A2M: variants seen among roughly 807,000 people sequenced by gnomAD.
The protein encoded by A2M is C3 and PZP-like alpha-2-macroglobulin domain-containing protein 5.
A neutral mutation model predicts 183.9 loss-of-function variants in A2M; 128 were observed. That is an observed-to-expected ratio of 0.70 (90% CI 0.60 to 0.81). A2M has a LOEUF of 0.81. A2M is among the 30% of genes least tolerant of loss of function. A2M has a pLI of 0.00. For synonymous variants in A2M, 592 were observed against 670.8 expected (o/e 0.88, Z 1.81); for missense variants, 1,495 against 1,787.6 (o/e 0.84, Z 2.95).
chr12:9,103,487 G>A (rs1938048593), intron 11 of A2M, among the ~76,000 whole-genome samples: 1 of 152,074 alleles, frequency 6.6e-6, no homozygotes, highest in African/African-American at 2.4e-5. Context: ...GTAGTATTAA[G>A]TATATCTGTT....
At chr12:9,075,392 C>A (rs1243243592) in intron 28 of A2M, among the ~76,000 whole-genome samples, 1 of 151,908 alleles carries the variant, frequency 6.6e-6, no homozygotes, top group East Asian at 1.9e-4. Flanking sequence ...CACAGATGCA[C>A]AAGAAAACAG....
At chr12:9,104,555 C>T (rs1043059519) in intron 10 of A2M, among the ~76,000 whole-genome samples, 155 bp from the exon 11 acceptor site, 5 of 152,002 alleles carry the variant, frequency 3.3e-5, no homozygotes, top group Non-Finnish European at 5.9e-5. Context: ...TCTTCCATCA[C>T]AGAGCTTACT....
intron 22 of A2M, among the ~76,000 whole-genome samples, chr12:9,085,601 G>C (rs1949030009): frequency 6.6e-6 from 1 of 151,762 alleles, no homozygotes; most frequent in South Asian, 2.1e-4. Context: ...AGAGAAGTAG[G>C]AAAAGAAGAA....
Position 9,089,939 on chromosome 12 carries a change from C to T in A2M, c.2681G>A (p.Gly894Glu), listed in dbSNP as rs1949158378. 4 of 1,612,508 alleles carry T rather than the reference C, an allele frequency of 2.5e-6. 1 individual carries two copies. In the South Asian group the frequency reaches 4.4e-5, roughly 18 times the overall value. Residue 894 changes from glycine (G) to glutamate (E), a missense_variant, in exon 21 of 36, where the codon GGA (glycine) becomes GAA (glutamate). Transcript: ENST00000318602. ...GTEVPSVPEH[G>E]RKDTVIKPLL... The stretch of plus-strand genomic sequence containing the variant: ...AGGCTTGATGACTGTGTCTTTCCTT[C>T]CGTGTTCAGGAACTGAAGGCACCTC...
chr12:9,107,463 C>A (rs1294134868), intron 8 of A2M, 61 bp downstream of exon 8: 1 of 1,585,822 alleles, frequency 6.3e-7, no homozygotes, highest in East Asian at 2.3e-5. Context: ...AATGCTGCAA[C>A]TCACTGCTTT....
In A2M at chr12:9,107,524, C is replaced by G. The variant is rs1938389012; in HGVS notation, c.879G>C (p.Gln293His). Reference sequence around the variant, plus strand: ...CTAGAAAAAATAGTGTTCAACCTACCTGTCCACTGAATTTCTCACAGAAAG... The same window carrying G: ...CTAGAAAAAATAGTGTTCAACCTACGTGTCCACTGAATTTCTCACAGAAAG... ...SQAFCEKFSG[Q>H]LNSHGCFYQQ... Residue 293 changes from glutamine (Q) to histidine (H), a missense_variant and splice_region_variant, in exon 8 of 36, where the codon CAG (glutamine) becomes CAC (histidine). Physicochemically the swap from Gln to His is conservative, Grantham distance 24. Transcript: ENST00000318602. The G allele has an allele frequency of 1.9e-6, 3 of 1,613,708 alleles. No individual in the cohort carries two copies. The highest frequency in any genetic ancestry group is 2.7e-5 in the African/African-American group (2 of 74,902).
chr12:9,068,747 G>T lies in A2M; in HGVS notation c.4359C>A (p.Tyr1453Ter). 1 of 1,599,922 alleles carries T rather than the reference G, an allele frequency of 6.3e-7. No homozygotes were observed. The highest frequency in any genetic ancestry group is 8.5e-7 in the Non-Finnish European group (1 of 1,171,816). Reference sequence around the variant, plus strand: ...AAAATCACTCTCACTCACCCGTCTCGTAGTAATCATAGACTTTCACTATGG... The same window carrying T: ...AAAATCACTCTCACTCACCCGTCTCTTAGTAATCATAGACTTTCACTATGG... ...KPAIVKVYDYYETDEFAIAEY... is the reference protein window; with the variant it reads ...KPAIVKVYDY The change falls in exon 34 of 36, where the codon TAC becomes TAA. Residue 1453 changes from tyrosine to a stop codon, truncating the protein, a stop_gained. Transcript: ENST00000318602. LOFTEE classifies it high-confidence loss of function.
intron 27 of A2M, 79 bp from the exon 28 acceptor site, chr12:9,077,015 G>A: frequency 1.4e-6 from 2 of 1,385,280 alleles, no homozygotes; most frequent in South Asian, 1.7e-5. Flanking sequence ...ACGGATCACA[G>A]CACAGAAGTT....
In A2M at chr12:9,080,067, C is replaced by T. The variant is rs769586156; in HGVS notation, c.2854+27G>A. The stretch of plus-strand genomic sequence containing the variant: ...TAGTATAATAGAAGCTGTTAATGCC[C>T]GGATCCACTAGGGGCTGGAGACTCA... On this transcript the variant is annotated intron_variant, in intron 23 of 35. Coordinates refer to ENST00000318602, the MANE Select transcript of A2M (RefSeq NM_000014.6). 8.8e-5 allele frequency: 130 copies of T among 1,471,370 alleles called. 1 individual carries two copies. Among genetic ancestry groups the T allele is most frequent in the Non-Finnish European group, 1.1e-4 (119 of 1,084,600 alleles). 91.1% of individuals were successfully genotyped at this position (1,471,370 alleles called of 1,614,324 possible). A position where few individuals can be genotyped will look rare whatever the true frequency, so the allele number is the denominator to read the frequency against.
chr12:9,109,887 G>A lies in A2M; in HGVS notation c.653C>T (p.Pro218Leu), dbSNP rs901545791. ...CATACCAAATTCCTCCACGGTGAAA[G>A]GGTGCTCTGTCCTTCCACCTGATTT... Reference protein sequence around the residue: ...QKKSGGRTEHPFTVEEFVLPK... With the variant: ...QKKSGGRTEHLFTVEEFVLPK... Residue 218 changes from proline (P) to leucine (L), a missense_variant, in exon 6 of 36, where the codon CCT (proline) becomes CTT (leucine). Coordinates refer to ENST00000318602, the MANE Select transcript of A2M (RefSeq NM_000014.6). The A allele has an allele frequency of 1.2e-5, 20 of 1,607,946 alleles. No homozygotes were observed. The African/African-American group carries it at 2.3e-4, about 18-fold the overall frequency.
chr12:9,099,437 C>A lies in A2M; in HGVS notation c.1645G>T (p.Gly549Trp). ...TTTGCAGAATCCCCAATCACGTCCC[C>A]GGTAGGTAAAACAGCATAGATGAGC... The part of the protein sequence containing the change: ...RLLIYAVLPT[G>W]DVIGDSAKYD... The change falls in exon 14 of 36, where the codon GGG becomes TGG. Residue 549 changes from glycine (G) to tryptophan (W), a missense_variant. Coordinates refer to ENST00000318602, the MANE Select transcript of A2M (RefSeq NM_000014.6). 1 of 1,597,050 alleles carries A rather than the reference C, an allele frequency of 6.3e-7. No homozygotes were observed. The highest frequency in any genetic ancestry group is 2.3e-5 in the East Asian group (1 of 44,334).
At position 9,110,042 on chromosome 12, in the gene A2M, G is replaced by A; in HGVS notation, c.505-7C>T. The A allele has an allele frequency of 3.1e-6, 5 of 1,599,708 alleles. No homozygotes were observed. The highest frequency in any genetic ancestry group is 1.4e-5 in the African/African-American group (1 of 74,026). On this transcript the variant is annotated splice_region_variant and splice_polypyrimidine_tract_variant and intron_variant, in intron 5 of 35. Coordinates refer to ENST00000318602, the MANE Select transcript of A2M (RefSeq NM_000014.6). Reference sequence around the variant, plus strand: ...TGCGATTTCCTTTGGGATCCTATATGAGTAAATTAATTATAACTTACAAAA... The same window carrying A: ...TGCGATTTCCTTTGGGATCCTATATAAGTAAATTAATTATAACTTACAAAA...
chr12:9,067,934 G>A, intron 35 of A2M, 95 bp from the exon 36 acceptor site: 1 of 1,233,376 alleles, frequency 8.1e-7, no homozygotes, highest in South Asian at 1.3e-5. Context: ...TAGTGCCCAA[G>A]GAAACCTAAT....
At chr12:9,109,031 A>ATT (rs1310050161) in intron 7 of A2M, among the ~76,000 whole-genome samples, 1 of 102,878 alleles carries the variant, frequency 9.7e-6, no homozygotes, top group Non-Finnish European at 2.0e-5. Context: ...CACCCTTCCC[A>ATT]TTTTGTGTGT....
chr12:9,077,903 T>C, intron 25 of A2M, 46 bp from the exon 26 acceptor site: 1 of 1,612,364 alleles, frequency 6.2e-7, no homozygotes, highest in South Asian at 1.1e-5. Context: ...GTCAAAATGG[T>C]TTTATAACCA....
chr12:9,086,662 T>C (rs1194254581), intron 22 of A2M, among the ~76,000 whole-genome samples: 3 of 152,232 alleles, frequency 2.0e-5, no homozygotes, highest in Admixed American at 6.5e-5. Flanking sequence ...AGGGCATGTA[T>C]GATAAACCTA....
In A2M at chr12:9,113,552, G is replaced by A. The variant is rs1187001461; in HGVS notation, c.87-9C>T. On this transcript the variant is annotated splice_polypyrimidine_tract_variant and intron_variant, in intron 1 of 35. Transcript: ENST00000318602. The stretch of plus-strand genomic sequence containing the variant: ...CCAGAACCATATACTGCCTGGGAAT[G>A]AGACGGTTCAGTTAGAGGAAAGTGA... 15 of 1,611,368 alleles carry A rather than the reference G, an allele frequency of 9.3e-6. No homozygotes were observed. The highest frequency in any genetic ancestry group is 1.3e-5 in the Non-Finnish European group (15 of 1,178,816).
chr12:9,090,329 A>G (rs770313951), intron 20 of A2M, 27 bp downstream of exon 20: 1 of 1,613,898 alleles, frequency 6.2e-7, no homozygotes, highest in East Asian at 2.2e-5. Context: ...TTGAGTAGAG[A>G]ATTATCTCTA....
In A2M at chr12:9,104,270, G is replaced by A. The variant is rs1482300294; in HGVS notation, c.1235C>T (p.Thr412Ile). 7 of 1,612,684 alleles carry A rather than the reference G, an allele frequency of 4.3e-6. No homozygotes were observed. The Admixed American group carries it at 8.4e-5, about 19-fold the overall frequency. The change falls in exon 11 of 36, where the codon ACC becomes ATC. Residue 412 changes from threonine to isoleucine, a missense_variant. Physicochemically the swap from Thr to Ile is moderately conservative, Grantham distance 89. Coordinates refer to ENST00000318602, the MANE Select transcript of A2M (RefSeq NM_000014.6). ...HGLVQFSINT[T>I]NVMGTSLTVR... ...AGTAAGAGAGGTACCCATAACATTGGTGGTGTTGATAGAGAACTGTACAAG... is the reference window on the plus strand; with the variant it reads ...AGTAAGAGAGGTACCCATAACATTGATGGTGTTGATAGAGAACTGTACAAG...
Sources: allele counts gnomAD v4.1 joint callset (sites outside exome capture counted in the v4.1 genomes callset), GRCh38; gene constraint gnomAD v4.1.1; transcripts MANE v1.5; gene names NCBI Gene and HGNC (gene_info 2026-07-23, HGNC 2026-07-21).